CABIN1: variants seen among roughly 807,000 people sequenced by gnomAD.
CABIN1 encodes calcineurin binding protein 1, also known as calcineurin-binding protein cabin-1.
In CABIN1, 133 loss-of-function variants were observed where a neutral mutation model predicts 227.7. The ratio of observed to expected loss-of-function variants is 0.58; its 90% CI spans 0.51 to 0.67. CABIN1 has a LOEUF of 0.67. CABIN1 is among the 30% of genes least tolerant of loss of function. The pLI, the probability that CABIN1 is intolerant of heterozygous loss-of-function variation, is 0.00. For missense variants in CABIN1, 2,408 were observed against 2,852.5 expected (o/e 0.84, Z 3.55); for synonymous variants, 1,086 against 1,155.1 (o/e 0.94, Z 1.21).
chr22:24,131,172 G>A (rs1174615066), intron 28 of CABIN1, among the ~76,000 whole-genome samples: 1 of 152,202 alleles, frequency 6.6e-6, no homozygotes, highest in Non-Finnish European at 1.5e-5. Context: ...TACTTTCTTG[G>A]TATTCTTAGG....
In CABIN1 at chr22:24,099,307, T is replaced by C. The variant is rs539918620; in HGVS notation, c.4117+1115T>C. Among the ~76,000 whole-genome samples, 16 of 152,242 alleles carry C rather than the reference T, an allele frequency of 1.1e-4. 1 individual carries two copies. The South Asian group carries it at 3.3e-3, about 32-fold the overall frequency. ...GGATGACAAGGGGGCCAATGCTCCA[T>C]TTCTCTGGGGGCAGGATTTGCTATT... is the stretch of plus-strand genomic sequence containing the variant. On this transcript the variant is annotated intron_variant, in intron 26 of 36. Transcript: ENST00000263119.
At chr22:24,096,138 G>A in intron 25 of CABIN1, 56 bp downstream of exon 25, 3 of 1,593,986 alleles carry the variant, frequency 1.9e-6, no homozygotes, top group Non-Finnish European at 2.6e-6. Flanking sequence ...CATCCCAGAT[G>A]GCTCGTTTAC....
intron 4 of CABIN1, among the ~76,000 whole-genome samples, chr22:24,039,316 T>A (rs2037176762): frequency 6.6e-6 from 1 of 152,122 alleles, no homozygotes; most frequent in African/African-American, 2.4e-5. Context: ...GCAAAAACCT[T>A]GATGGTTTTT....
At chr22:24,038,783 A>G (rs1040251551) in intron 4 of CABIN1, among the ~76,000 whole-genome samples, 1 of 152,226 alleles carries the variant, frequency 6.6e-6, no homozygotes, top group African/African-American at 2.4e-5. Flanking sequence ...AGGCTTAGTG[A>G]GGTCTTGATG....
Position 24,164,513 on chromosome 22 carries a change from C to T in CABIN1, c.4860C>T (p.Ser1620=), listed in dbSNP as rs199775945. The T allele has an allele frequency of 1.1e-5, 18 of 1,606,164 alleles. No individual in the cohort carries two copies. In the Admixed American group the frequency reaches 2.2e-4, roughly 19 times the overall value. Residue 1620 remains serine, a synonymous_variant, in exon 30 of 37, where the codon AGC becomes AGT. Coordinates refer to ENST00000263119, the MANE Select transcript of CABIN1 (RefSeq NM_012295.4). The part of the protein sequence containing the change: ...LKVLAQLRDH[S]TLLKVSSMLQ... Reference sequence around the variant, plus strand: ...TGCTGGCCCAGCTGCGGGACCACAGCACCCTGCTGAAGGTGTCCTCCATGC... The same window carrying T: ...TGCTGGCCCAGCTGCGGGACCACAGTACCCTGCTGAAGGTGTCCTCCATGC...
intron 1 of CABIN1, among the ~76,000 whole-genome samples, chr22:24,030,317 A>T (rs1228146063): frequency 6.6e-6 from 1 of 152,028 alleles, no homozygotes; most frequent in African/African-American, 2.4e-5. Flanking sequence ...TTTGAGTCCT[A>T]TTTTTGTCTC....
chr22:24,117,949 G>GT (rs2147882505), intron 27 of CABIN1, among the ~76,000 whole-genome samples: 1 of 152,334 alleles, frequency 6.6e-6, no homozygotes, highest in South Asian at 2.1e-4. Context: ...TGTAAGATGG[G>GT]TGCCAGCCCT....
chr22:24,094,823 C>CAAAAAAAAAAAA (rs201624847), intron 24 of CABIN1, among the ~76,000 whole-genome samples: 1 of 78,360 alleles, frequency 1.3e-5, no homozygotes, highest in Non-Finnish European at 2.9e-5. Context: ...GACTCCGTCT[C>CAAAAAAAAAAAA]AAAAAAAAAA....
At chr22:24,023,166 C>G (rs2035845763) in intron 1 of CABIN1, among the ~76,000 whole-genome samples, 1 of 152,070 alleles carries the variant, frequency 6.6e-6, no homozygotes, top group Admixed American at 6.6e-5. Context: ...TGTATATGGC[C>G]TATTTTACTT....
At position 24,059,305 on chromosome 22, in the gene CABIN1, C is replaced by T; in HGVS notation, c.1341C>T (p.Ser447=). ...TCCAGTCAGAAGCCAAACTGGAAAG[C>T]TTCCCAAGCATTGGGCCTCAAAGGC... ...YEVQSEAKLE[S]FPSIGPQRLS... is the part of the protein sequence containing the mutation. Residue 447 remains serine, a synonymous_variant, in exon 11 of 37, where the codon AGC becomes AGT. Coordinates refer to ENST00000263119, the MANE Select transcript of CABIN1 (RefSeq NM_012295.4). The T allele has an allele frequency of 6.2e-7, 1 of 1,614,206 alleles. No homozygotes were observed. The highest frequency in any genetic ancestry group is 8.5e-7 in the Non-Finnish European group (1 of 1,180,030).
chr22:24,087,576 C>G lies in CABIN1; in HGVS notation c.3388C>G (p.Arg1130Gly), dbSNP rs571116544. 1.9e-6 allele frequency: 3 copies of G among 1,614,202 alleles called. No individual in the cohort carries two copies. Among genetic ancestry groups the G allele is most frequent in the Non-Finnish European group, 2.5e-6 (3 of 1,180,030 alleles). Residue 1130 changes from arginine (R) to glycine (G), a missense_variant, in exon 23 of 37, where the codon CGT (arginine) becomes GGT (glycine). Physicochemically the swap from Arg to Gly is moderately radical, Grantham distance 125 (BLOSUM62 -2). Coordinates refer to ENST00000263119, the MANE Select transcript of CABIN1 (RefSeq NM_012295.4). ...KHATPVLNCFRRALEIDSSNL... is the reference protein window; with the variant it reads ...KHATPVLNCFGRALEIDSSNL... ...TGCCACGCCCGTCTTGAACTGCTTC[C>G]GTCGGGCCCTGGAGATTGACAGCTC...
intron 24 of CABIN1, 136 bp downstream of exon 24, chr22:24,091,979 T>C: frequency 1.0e-6 from 1 of 999,050 alleles, no homozygotes; most frequent in Non-Finnish European, 1.5e-6. Context: ...AGCAGCTTCA[T>C]GTGCAATTGA....
chr22:24,062,295 A>G (rs905706818), intron 13 of CABIN1, among the ~76,000 whole-genome samples: 1 of 151,448 alleles, frequency 6.6e-6, no homozygotes, highest in Non-Finnish European at 1.5e-5. Flanking sequence ...TGACTGTTCA[A>G]TGCAGTGCTT....
intron 1 of CABIN1, among the ~76,000 whole-genome samples, chr22:24,012,165 TG>T (rs996093470): frequency 1.3e-5 from 2 of 152,136 alleles, no homozygotes; most frequent in Non-Finnish European, 2.9e-5. Flanking sequence ...AGTTTAGGCT[TG>T]GGGGGTCCAT....
chr22:24,068,035 A>G (rs1450673956), intron 16 of CABIN1, among the ~76,000 whole-genome samples: 1 of 152,138 alleles, frequency 6.6e-6, no homozygotes, highest in Non-Finnish European at 1.5e-5. Flanking sequence ...TTCAATTTGG[A>G]AAGAGAGTCC....
intron 28 of CABIN1, among the ~76,000 whole-genome samples, chr22:24,126,452 C>G (rs546264440): frequency 2.0e-5 from 3 of 152,036 alleles, no homozygotes; most frequent in Non-Finnish European, 2.9e-5. Flanking sequence ...TGCCTAGAGA[C>G]AGAAACAGTC....
intron 29 of CABIN1, among the ~76,000 whole-genome samples, chr22:24,146,473 C>G (rs1251557774): frequency 6.6e-6 from 1 of 152,126 alleles, no homozygotes; most frequent in South Asian, 2.1e-4. Context: ...TGGGGAGGGG[C>G]AAGCCTGAGA....
intron 6 of CABIN1, among the ~76,000 whole-genome samples, chr22:24,045,135 A>C (rs192601453): frequency 8.9e-4 from 136 of 152,318 alleles, no homozygotes; most frequent in African/African-American, 3.2e-3. Flanking sequence ...CGTGTTAGCC[A>C]GGATGTTCTT....
chr22:24,072,770 C>A (rs760505854), intron 18 of CABIN1, among the ~76,000 whole-genome samples: 46 of 152,120 alleles, frequency 3.0e-4, no homozygotes, highest in Non-Finnish European at 5.0e-4. Flanking sequence ...GAGGGAGTGA[C>A]AAGAGGTGAC....
Sources: allele counts gnomAD v4.1 joint callset (sites outside exome capture counted in the v4.1 genomes callset), GRCh38; gene constraint gnomAD v4.1.1; transcripts MANE v1.5; gene names NCBI Gene and HGNC (gene_info 2026-07-23, HGNC 2026-07-21).